ITGA9: variants seen among roughly 807,000 people sequenced by gnomAD.
ITGA9 encodes the protein integrin alpha-9.
Under a neutral mutation model 127.8 loss-of-function variants are expected in ITGA9, and 56 were observed. That is an observed-to-expected ratio of 0.44 (90% CI 0.35 to 0.55). The LOEUF (loss-of-function observed/expected upper bound fraction) is 0.55. Ranked by LOEUF, ITGA9 falls within the 20% of genes least tolerant of loss-of-function variation. ITGA9 has a pLI of 0.00. For missense variants in ITGA9, 1,196 were observed against 1,347.1 expected (o/e 0.89, Z 1.76); for synonymous variants, 508 against 514.5 (o/e 0.99, Z 0.17).
chr3:37,531,462 A>C (rs888267951), intron 13 of ITGA9, among the ~76,000 whole-genome samples: 1 of 152,142 alleles, frequency 6.6e-6, no homozygotes, highest in African/African-American at 2.4e-5. Flanking sequence ...TGTTTTTCCA[A>C]CTTCCACTGA....
chr3:37,813,461 A>G (rs191083838), intron 27 of ITGA9, among the ~76,000 whole-genome samples: 1 of 152,304 alleles, frequency 6.6e-6, no homozygotes, highest in Admixed American at 6.5e-5. Context: ...GATGACAAAA[A>G]CCTTGCTAAA....
intron 15 of ITGA9, among the ~76,000 whole-genome samples, chr3:37,567,669 G>A (rs1699560821): frequency 6.6e-6 from 1 of 152,114 alleles, no homozygotes; most frequent in South Asian, 2.1e-4. Context: ...GGGAAAAATT[G>A]GTCAAAACTA....
chr3:37,629,622 A>C lies in ITGA9; in HGVS notation c.1839+286A>C. Reference sequence around the variant, plus strand: ...AACTGGCTGGCCACTTGGTCCCTGAACTTGCCTCTGTTCCTAGACTGTTTT... The same window carrying C: ...AACTGGCTGGCCACTTGGTCCCTGACCTTGCCTCTGTTCCTAGACTGTTTT... On this transcript the variant is annotated intron_variant, in intron 16 of 27. Transcript: ENST00000264741. This position sits in a 1 kb window ranked among gnomAD's most constrained non-coding sequence, Gnocchi z 4.5. 1.7e-6 allele frequency: 1 copy of C among 604,494 alleles called. No individual in the cohort carries two copies. The highest frequency in any genetic ancestry group is 2.9e-6 in the Non-Finnish European group (1 of 340,910). The allele number at this position is 604,494 out of a possible 1,614,324, so 37.4% of individuals were successfully genotyped here.
chr3:37,505,990 T>A lies in ITGA9; in HGVS notation c.743-10T>A. 1 of 1,593,178 alleles carries A rather than the reference T, an allele frequency of 6.3e-7. No individual in the cohort carries two copies. The highest frequency in any genetic ancestry group is 8.6e-7 in the Non-Finnish European group (1 of 1,167,340). On this transcript the variant is annotated splice_polypyrimidine_tract_variant and intron_variant, in intron 6 of 27. Transcript: ENST00000264741. Reference sequence around the variant, plus strand: ...CAACCGTGTGCTTGGTTTCCGCCCATCCTGTTCAGGCTACGCAGTGACCGC... The same window carrying A: ...CAACCGTGTGCTTGGTTTCCGCCCAACCTGTTCAGGCTACGCAGTGACCGC...
intron 18 of ITGA9, among the ~76,000 whole-genome samples, chr3:37,717,431 C>T (rs1418301782): frequency 1.3e-5 from 2 of 152,152 alleles, no homozygotes; most frequent in South Asian, 4.1e-4. Context: ...ACGAACTACC[C>T]GAGACTGGGC....
intron 8 of ITGA9, among the ~76,000 whole-genome samples, chr3:37,509,865 A>G (rs76519205): frequency 0.038 from 5,813 of 152,306 alleles, 324 homozygotes; most frequent in South Asian, 0.2. Context: ...GATTTACAAA[A>G]GAGAGTTTCA....
intron 15 of ITGA9, among the ~76,000 whole-genome samples, chr3:37,602,445 C>G (rs1699930819): frequency 6.6e-6 from 1 of 152,056 alleles, no homozygotes; most frequent in South Asian, 2.1e-4. Flanking sequence ...TACCAAAGAG[C>G]TAAAATACAG....
chr3:37,786,952 G>A (rs955775081), intron 26 of ITGA9, among the ~76,000 whole-genome samples: 1 of 152,184 alleles, frequency 6.6e-6, no homozygotes, highest in Non-Finnish European at 1.5e-5. Flanking sequence ...CTCAGGCCAG[G>A]CACTAATTTT....
At position 37,740,376 on chromosome 3, in the gene ITGA9, C is replaced by T. The variant is rs188964739; in HGVS notation, c.2235-1354C>T. On this transcript the variant is annotated intron_variant, in intron 20 of 27. Transcript: ENST00000264741. ...TTCAAGAACATGTACCCAAGAGCCA[C>T]GCATTTTCCCAAGGAATAATGATCA... 1.1e-4 allele frequency among the ~76,000 whole-genome samples: 16 copies of T among 152,220 alleles called. 1 individual carries two copies. In the East Asian group the frequency reaches 1.5e-3, roughly 15 times the overall value.
At chr3:37,579,860 C>T (rs1414136435) in intron 15 of ITGA9, among the ~76,000 whole-genome samples, 1 of 152,152 alleles carries the variant, frequency 6.6e-6, no homozygotes, top group African/African-American at 2.4e-5. Flanking sequence ...CAGATTCAGC[C>T]CTTGCCTCCC....
chr3:37,565,865 C>T (rs931972288), intron 15 of ITGA9, among the ~76,000 whole-genome samples: 4 of 152,076 alleles, frequency 2.6e-5, no homozygotes, highest in Admixed American at 6.5e-5. Context: ...TTGGGAGTGA[C>T]GTTGGGAACT....
At chr3:37,709,548 G>T in intron 18 of ITGA9, among the ~76,000 whole-genome samples, 1 of 152,240 alleles carries the variant, frequency 6.6e-6, no homozygotes, top group Non-Finnish European at 1.5e-5. Context: ...AGAGTGTGAG[G>T]AAGGGGAGAG....
chr3:37,609,687 C>A (rs1389034976), intron 15 of ITGA9, among the ~76,000 whole-genome samples: 1 of 152,180 alleles, frequency 6.6e-6, no homozygotes, highest in Non-Finnish European at 1.5e-5. Context: ...CGGGACAGGG[C>A]ACATTGGGGA....
At chr3:37,641,083 G>A (rs1017798828) in intron 16 of ITGA9, among the ~76,000 whole-genome samples, 3 of 152,120 alleles carry the variant, frequency 2.0e-5, no homozygotes, top group Non-Finnish European at 4.4e-5. Context: ...CCCGTGGGTG[G>A]GCTCCCCGGT....
chr3:37,541,541 CT>C (rs900605617), intron 14 of ITGA9, among the ~76,000 whole-genome samples: 28 of 152,052 alleles, frequency 1.8e-4, no homozygotes, highest in Non-Finnish European at 3.4e-4. Flanking sequence ...CTGTGATCAT[CT>C]TTTTTTTCCT....
At chr3:37,465,065 C>T (rs966403962) in intron 1 of ITGA9, among the ~76,000 whole-genome samples, 1 of 152,232 alleles carries the variant, frequency 6.6e-6, no homozygotes, top group African/African-American at 2.4e-5. Context: ...TGAAAGCAAA[C>T]CTAATGGGTT....
chr3:37,629,550 C>T lies in ITGA9; in HGVS notation c.1839+214C>T. On this transcript the variant is annotated intron_variant, in intron 16 of 27. Coordinates refer to ENST00000264741, the MANE Select transcript of ITGA9 (RefSeq NM_002207.3). This position sits in a 1 kb window ranked among gnomAD's most constrained non-coding sequence, Gnocchi z 4.5. ...GACTACTGTGGGACTTAAACACTTTCAGACAATTCTCAGGCTGTTAGAAGT... is the reference window on the plus strand; with the variant it reads ...GACTACTGTGGGACTTAAACACTTTTAGACAATTCTCAGGCTGTTAGAAGT... The T allele has an allele frequency of 4.6e-6, 3 of 645,896 alleles. No homozygotes were observed. The South Asian group carries it at 5.3e-5, about 11-fold the overall frequency. The allele number at this position is 645,896 out of a possible 1,614,324, so 40.0% of individuals were successfully genotyped here. A position where few individuals can be genotyped will look rare whatever the true frequency, so the allele number is the denominator to read the frequency against.
intron 5 of ITGA9, among the ~76,000 whole-genome samples, chr3:37,500,626 T>C (rs1698778309): frequency 6.6e-6 from 1 of 152,234 alleles, no homozygotes; most frequent in South Asian, 2.1e-4. Context: ...AGACACTTGC[T>C]CCCTGAGAAT....
intron 18 of ITGA9, among the ~76,000 whole-genome samples, chr3:37,718,377 AT>A (rs1202919728): frequency 1.3e-5 from 2 of 152,292 alleles, no homozygotes; most frequent in East Asian, 3.9e-4. Context: ...CCAGAGGCAC[AT>A]GACATAGGAG....
Sources: allele counts gnomAD v4.1 joint callset (sites outside exome capture counted in the v4.1 genomes callset), GRCh38; gene constraint gnomAD v4.1.1; non-coding constraint Gnocchi (gnomAD v3.1); transcripts MANE v1.5; gene names NCBI Gene and HGNC (gene_info 2026-07-23, HGNC 2026-07-21).